TANC2: variants seen among roughly 807,000 people sequenced by gnomAD.
TANC2 encodes the protein tetratricopeptide repeat, ankyrin repeat and coiled-coil containing 2.
TANC2 carries 26 observed loss-of-function variants against 210.5 expected under a neutral mutation model. The ratio of observed to expected loss-of-function variants is 0.12; its 90% CI spans 0.09 to 0.17. The LOEUF (loss-of-function observed/expected upper bound fraction) is 0.17, where lower values mean the gene tolerates loss of function less well. Among genes scored for constraint, TANC2 ranks in the 10% least tolerant of loss-of-function variants. The pLI is 1.00. For synonymous variants in TANC2, 931 were observed against 967.1 expected (o/e 0.96, Z 0.69); for missense variants, 2,129 against 2,608.9 (o/e 0.82, Z 4.01).
At chr17:63,305,470 T>C (rs1399852655) in intron 9 of TANC2, 1 of 152,224 alleles carries the variant, frequency 6.6e-6, no homozygotes, top group Non-Finnish European at 1.5e-5. Context: ...TATGGTTCTT[T>C]TCAATGGGAG....
At chr17:63,161,079 A>C (rs2040009690) in intron 5 of TANC2, among the ~76,000 whole-genome samples, 1 of 152,204 alleles carries the variant, frequency 6.6e-6, no homozygotes, top group Non-Finnish European at 1.5e-5. Context: ...CGCTACCTGA[A>C]AGTGCAGTTG....
At chr17:63,149,873 T>C (rs2039588980) in intron 4 of TANC2, 1 of 152,148 alleles carries the variant, frequency 6.6e-6, no homozygotes, top group Non-Finnish European at 1.5e-5. Flanking sequence ...GGACTCTTAA[T>C]GTTAGGCCTT....
chr17:63,026,078 T>G (rs1405994956), intron 2 of TANC2, among the ~76,000 whole-genome samples: 1 of 152,244 alleles, frequency 6.6e-6, no homozygotes, highest in South Asian at 2.1e-4. Flanking sequence ...TTGATATTTC[T>G]AATCAGAAAT....
intron 2 of TANC2, among the ~76,000 whole-genome samples, chr17:63,050,375 A>G (rs2035539374): frequency 1.3e-5 from 2 of 151,798 alleles, no homozygotes; most frequent in South Asian, 2.1e-4. Context: ...AAAAAAAAAA[A>G]GAAAGAAAGT....
At chr17:63,323,314 A>G (rs1389167275) in intron 11 of TANC2, among the ~76,000 whole-genome samples, 1 of 152,242 alleles carries the variant, frequency 6.6e-6, no homozygotes, top group East Asian at 1.9e-4. Flanking sequence ...TTTCTTGTGC[A>G]TCTAGTTAAC....
chr17:63,296,265 A>G (rs1005826630), intron 9 of TANC2, among the ~76,000 whole-genome samples: 6 of 152,210 alleles, frequency 3.9e-5, no homozygotes, highest in Non-Finnish European at 5.9e-5. Context: ...AGGTTACTCA[A>G]TTTCAGCATT....
chr17:63,053,124 C>T (rs2035641325), intron 2 of TANC2, among the ~76,000 whole-genome samples: 2 of 152,172 alleles, frequency 1.3e-5, no homozygotes, highest in African/African-American at 4.8e-5. Flanking sequence ...TATGTTCCAT[C>T]TCTTCATATA....
At chr17:62,975,458 CT>C (rs1484261774) in intron 1 of TANC2, among the ~76,000 whole-genome samples, 1 of 151,808 alleles carries the variant, frequency 6.6e-6, no homozygotes, top group Non-Finnish European at 1.5e-5. Flanking sequence ...GGAATGAAGA[CT>C]TATTAAACCA....
At chr17:63,168,788 G>A (rs544490817) in intron 5 of TANC2, among the ~76,000 whole-genome samples, 1 of 152,288 alleles carries the variant, frequency 6.6e-6, no homozygotes, top group East Asian at 1.9e-4. Flanking sequence ...AAGGATTGGA[G>A]AGTGGGAGAA....
chr17:63,128,335 A>G (rs1308347497), intron 4 of TANC2, among the ~76,000 whole-genome samples: 1 of 152,154 alleles, frequency 6.6e-6, no homozygotes, highest in African/African-American at 2.4e-5. Flanking sequence ...GCCTGTATCA[A>G]AATAACTCAT....
At chr17:63,228,783 A>T (rs1054638657) in intron 7 of TANC2, among the ~76,000 whole-genome samples, 1 of 152,138 alleles carries the variant, frequency 6.6e-6, no homozygotes, top group Non-Finnish European at 1.5e-5. Flanking sequence ...TTGATTTTAT[A>T]TCCTGAGACC....
At chr17:63,153,297 A>G (rs959648458) in intron 5 of TANC2, 4 of 152,176 alleles carry the variant, frequency 2.6e-5, no homozygotes. Context: ...TACTAACACC[A>G]CTGATGATAT....
intron 5 of TANC2, chr17:63,151,685 T>A (rs1395150061): frequency 6.6e-6 from 1 of 152,114 alleles, no homozygotes; most frequent in African/African-American, 2.4e-5. Flanking sequence ...TTAAAGAAAT[T>A]TTGCTGTGGC....
chr17:63,090,460 G>A (rs184615203), intron 3 of TANC2, among the ~76,000 whole-genome samples: 56 of 151,888 alleles, frequency 3.7e-4, no homozygotes, highest in Non-Finnish European at 5.2e-4. Context: ...AGAACGTGTG[G>A]TATTTGCTGT....
rs1428031548 is a variant in TANC2 at position 63,263,613 on chromosome 17, A to C, written c.1034-4135A>C. Among the ~76,000 whole-genome samples, 3 of 152,200 alleles carry C rather than the reference A, an allele frequency of 2.0e-5. No individual in the cohort carries two copies. In the East Asian group the frequency reaches 5.8e-4, roughly 29 times the overall value. ...TAGCTGATTCTACCTTTTAAACCAA[A>C]GAAAGCTAGTGTAATCTACCATGTT... On this transcript the variant is annotated intron_variant, in intron 8 of 27. Coordinates refer to ENST00000689528, the Ensembl canonical transcript of TANC2.
intron 7 of TANC2, among the ~76,000 whole-genome samples, chr17:63,204,013 T>C (rs2041618795): frequency 6.6e-6 from 1 of 152,196 alleles, no homozygotes. Flanking sequence ...TATTTATTTG[T>C]TTAGAAGTTG....
chr17:63,008,299 A>T (rs1271055969), intron 1 of TANC2, among the ~76,000 whole-genome samples: 1 of 152,084 alleles, frequency 6.6e-6, no homozygotes, highest in African/African-American at 2.4e-5. Flanking sequence ...GCTCTTATGA[A>T]ATTTCAGTTA....
At chr17:63,333,139 A>G (rs758459959) in intron 11 of TANC2, among the ~76,000 whole-genome samples, 17 of 152,232 alleles carry the variant, frequency 1.1e-4, no homozygotes, top group Non-Finnish European at 2.1e-4. Context: ...CTTGTAACTT[A>G]AGAAATACTT....
At chr17:63,050,359 G>GAAA (rs755089558) in intron 2 of TANC2, among the ~76,000 whole-genome samples, 18 of 84,872 alleles carry the variant, frequency 2.1e-4, no homozygotes, top group African/African-American at 6.1e-4. Context: ...CCTGTTTCAA[G>GAAA]AAAAAAAAAA....
Sources: allele counts gnomAD v4.1 joint callset (sites outside exome capture counted in the v4.1 genomes callset), GRCh38; gene constraint gnomAD v4.1.1; transcripts MANE v1.5; gene names NCBI Gene and HGNC (gene_info 2026-07-23, HGNC 2026-07-21).